Variants in DDX4 observed in about 807,000 individuals in gnomAD.
DDX4 encodes probable ATP-dependent RNA helicase DDX4.
DDX4 carries 25 observed loss-of-function variants against 100.0 expected under a neutral mutation model. The observed-to-expected ratio is 0.25, with a 90% CI of 0.18 to 0.35. The LOEUF is 0.35. DDX4 is among the 10% of genes least tolerant of loss of function. The pLI is 1.00. For missense variants in DDX4, 635 were observed against 882.4 expected, an observed-to-expected ratio of 0.72 and a Z score of 3.55; for synonymous variants, 259 against 275.7, an observed-to-expected ratio of 0.94 and a Z score of 0.60.
chr5:55,757,181 T>C (rs1336610217), intron 3 of DDX4, among the ~76,000 whole-genome samples: 1 of 152,150 alleles, frequency 6.6e-6, no homozygotes, highest in African/African-American at 2.4e-5. Flanking sequence ...AGTTCTTTAG[T>C]GGAGATTCGT....
At chr5:55,807,956 A>C (rs1482921160) in intron 18 of DDX4, among the ~76,000 whole-genome samples, 1 of 152,176 alleles carries the variant, frequency 6.6e-6, no homozygotes, top group Non-Finnish European at 1.5e-5. Context: ...CAGGTACACC[A>C]ATCAGATGTA....
chr5:55,746,303 A>G (rs1561479148), intron 3 of DDX4, 82 bp downstream of exon 3: 2 of 1,268,284 alleles, frequency 1.6e-6, no homozygotes, highest in South Asian at 1.4e-5. Context: ...ACTAGTAGAC[A>G]TCTTGTAGAG....
At chr5:55,749,398 C>CTCCA (rs1580513594) in intron 3 of DDX4, among the ~76,000 whole-genome samples, 1 of 152,150 alleles carries the variant, frequency 6.6e-6, no homozygotes, top group African/African-American at 2.4e-5. Flanking sequence ...CACTACTGCA[C>CTCCA]TCCAGCAGGG....
Position 55,790,716 on chromosome 5 carries a change from T to C in DDX4, c.1302+11T>C, listed in dbSNP as rs1018867980. 2 of 1,610,308 alleles carry C rather than the reference T, an allele frequency of 1.2e-6. No individual in the cohort carries two copies. The highest frequency in any genetic ancestry group is 2.7e-5 in the African/African-American group (2 of 74,792). On this transcript the variant is annotated intron_variant, in intron 16 of 21. Transcript: ENST00000505374. ...ATAGGCAAAGAAAAGGTACGCCTTA[T>C]AGGAATAATGAAGTTGTGAGATTGA... is the stretch of plus-strand genomic sequence containing the variant.
chr5:55,800,418 G>A (rs535382269), intron 18 of DDX4, among the ~76,000 whole-genome samples: 1 of 151,688 alleles, frequency 6.6e-6, no homozygotes, highest in East Asian at 1.9e-4. Flanking sequence ...CTGCCTCCCG[G>A]GTTCACGCCA....
At chr5:55,776,545 C>T (rs1741578749) in intron 7 of DDX4, among the ~76,000 whole-genome samples, 1 of 152,156 alleles carries the variant, frequency 6.6e-6, no homozygotes, top group African/African-American at 2.4e-5. Context: ...AAGGTAGATT[C>T]ACCTTTAGAA....
At chr5:55,757,611 G>A (rs563300628) in intron 3 of DDX4, among the ~76,000 whole-genome samples, 1 of 152,178 alleles carries the variant, frequency 6.6e-6, no homozygotes, top group African/African-American at 2.4e-5. Flanking sequence ...ACTAGTGAGA[G>A]GTAGGATTCC....
rs184682028 is a variant in DDX4, at chr5:55,791,986, T to C, written c.1303-655T>C. Among the ~76,000 whole-genome samples the C allele has an allele frequency of 2.8e-3, 422 of 152,036 alleles. 4 individuals carry two copies. Among genetic ancestry groups the C allele is most frequent in the African/African-American group, 9.8e-3 (406 of 41,478 alleles). ...CACACACACAAAAATTAGCCAGGCA[T>C]GGGGGCATGTGCCTGTAGCCCCAGC... On this transcript the variant is annotated intron_variant, in intron 16 of 21. Coordinates refer to ENST00000505374, the MANE Select transcript of DDX4 (RefSeq NM_024415.3).
At chr5:55,805,859 C>T (rs1337629250) in intron 18 of DDX4, among the ~76,000 whole-genome samples, 2 of 152,116 alleles carry the variant, frequency 1.3e-5, no homozygotes, top group Non-Finnish European at 2.9e-5. Flanking sequence ...AGGGAGGATT[C>T]CCTCTTTTTC....
At chr5:55,808,923 A>G (rs906677502) in intron 18 of DDX4, among the ~76,000 whole-genome samples, 1 of 152,222 alleles carries the variant, frequency 6.6e-6, no homozygotes, top group African/African-American at 2.4e-5. Flanking sequence ...GGTGGAGTCT[A>G]CAGAGGCAGG....
At chr5:55,804,676 A>G (rs1185312905) in intron 18 of DDX4, among the ~76,000 whole-genome samples, 27 of 151,876 alleles carry the variant, frequency 1.8e-4, no homozygotes, top group Middle Eastern at 3.4e-3. Context: ...TGTTCCATTG[A>G]TCTATATCTC....
intron 4 of DDX4, among the ~76,000 whole-genome samples, chr5:55,761,351 A>C (rs924673682): frequency 7.9e-5 from 12 of 152,064 alleles, no homozygotes; most frequent in Non-Finnish European, 1.2e-4. Flanking sequence ...ATTTTAGTAG[A>C]GGTTATGTGA....
intron 7 of DDX4, among the ~76,000 whole-genome samples, chr5:55,775,577 C>G (rs1013281772): frequency 5.9e-5 from 9 of 152,064 alleles, no homozygotes; most frequent in African/African-American, 1.9e-4. Context: ...TTGCTGATAT[C>G]AGTGATACAT....
At chr5:55,782,848 T>G (rs1742009266) in intron 10 of DDX4, among the ~76,000 whole-genome samples, 1 of 149,772 alleles carries the variant, frequency 6.7e-6, no homozygotes, top group South Asian at 2.1e-4. Flanking sequence ...CAGGTTGGAG[T>G]GCAGTGGTGT....
chr5:55,741,403 T>G (rs1448501566), intron 2 of DDX4, among the ~76,000 whole-genome samples: 1 of 152,188 alleles, frequency 6.6e-6, no homozygotes, highest in African/African-American at 2.4e-5. Context: ...ACACCTGGTG[T>G]TGTGCTGGTT....
intron 12 of DDX4, 62 bp from the exon 13 acceptor site, chr5:55,785,667 T>G: frequency 6.8e-7 from 1 of 1,475,232 alleles, no homozygotes; most frequent in Non-Finnish European, 9.3e-7. Flanking sequence ...TTTTGTCTAT[T>G]TTCTCTTATA....
At chr5:55,815,448 A>G in intron 21 of DDX4, 25 bp downstream of exon 21, 1 of 1,594,808 alleles carries the variant, frequency 6.3e-7, no homozygotes, top group Admixed American at 1.8e-5. Flanking sequence ...AAACTTGAGA[A>G]CTTGTCTTCT....
chr5:55,807,697 T>A (rs1440275065), intron 18 of DDX4, among the ~76,000 whole-genome samples: 1 of 152,240 alleles, frequency 6.6e-6, no homozygotes, highest in Admixed American at 6.5e-5. Context: ...GATCAGCTGT[T>A]AGTCTGATGG....
intron 9 of DDX4, 92 bp downstream of exon 9, chr5:55,781,238 T>C (rs1390432229): frequency 1.0e-6 from 1 of 963,976 alleles, no homozygotes; most frequent in African/African-American, 1.7e-5. Flanking sequence ...TAAAGTATAC[T>C]AGTTTGGCTT....
Sources: allele counts gnomAD v4.1 joint callset (sites outside exome capture counted in the v4.1 genomes callset), GRCh38; gene constraint gnomAD v4.1.1; transcripts MANE v1.5; gene names NCBI Gene and HGNC (gene_info 2026-07-23, HGNC 2026-07-21).